The following PTPRG variants were observed in gnomAD, a reference collection of about 807,000 sequenced individuals.
The protein encoded by PTPRG is receptor-type tyrosine-protein phosphatase gamma.
Under a neutral mutation model 165.3 loss-of-function variants are expected in PTPRG, and 102 were observed. The ratio of observed to expected loss-of-function variants is 0.62; its 90% confidence interval spans 0.53 to 0.73. The LOEUF is 0.73. Ranked by LOEUF, PTPRG falls within the 30% of genes least tolerant of loss-of-function variation. The probability of loss-of-function intolerance (pLI) is 0.00; values close to 1 mark genes in which losing one functional copy is unlikely to be tolerated. For missense variants in PTPRG, 1,866 were observed against 1,861.4 expected (o/e 1.00, Z -0.05); for synonymous variants, 675 against 669.5 (o/e 1.01, Z -0.13).
intron 3 of PTPRG, among the ~76,000 whole-genome samples, chr3:61,999,236 G>A (rs2041112294): frequency 6.6e-6 from 1 of 152,058 alleles, no homozygotes; most frequent in Admixed American, 6.5e-5. Context: ...TAGTAGAGAC[G>A]TGATTTCACC....
chr3:62,108,047 T>TC (rs1214019186), intron 5 of PTPRG, among the ~76,000 whole-genome samples: 3 of 121,710 alleles, frequency 2.5e-5, no homozygotes, highest in Non-Finnish European at 5.4e-5. Flanking sequence ...TCTCTCGCTC[T>TC]TTTTTTTTTT....
At chr3:62,067,564 A>G (rs930185819) in intron 4 of PTPRG, among the ~76,000 whole-genome samples, 1 of 152,186 alleles carries the variant, frequency 6.6e-6, no homozygotes, top group Non-Finnish European at 1.5e-5. Context: ...GTATAATTGT[A>G]TAATGTAGAA....
At chr3:61,592,641 C>CTTTTTTTTTTTTTTTTTT (rs773860673) in intron 1 of PTPRG, among the ~76,000 whole-genome samples, 5 of 139,972 alleles carry the variant, frequency 3.6e-5, no homozygotes, top group Non-Finnish European at 7.6e-5. Context: ...TTCTTTCTTT[C>CTTTTTTTTTTTTTTTTTT]TTTCTTTCTT....
At chr3:62,169,827 G>C (rs1705149048) in intron 8 of PTPRG, among the ~76,000 whole-genome samples, 1 of 152,124 alleles carries the variant, frequency 6.6e-6, no homozygotes, top group Non-Finnish European at 1.5e-5. Context: ...TTTCTTTCAA[G>C]AGTGCCCCCA....
intron 2 of PTPRG, among the ~76,000 whole-genome samples, chr3:61,860,178 G>A (rs1233583639): frequency 2.6e-5 from 4 of 152,112 alleles, no homozygotes; most frequent in Non-Finnish European, 4.4e-5. Flanking sequence ...TAATTCCTCA[G>A]GGTTGGATAT....
At chr3:61,699,086 G>T (rs541285658) in intron 1 of PTPRG, among the ~76,000 whole-genome samples, 239 of 150,048 alleles carry the variant, frequency 1.6e-3, no homozygotes, top group African/African-American at 5.1e-3. Flanking sequence ...CGAGTTAATG[G>T]GTGCAGCACA....
In PTPRG at chr3:62,275,932, C is replaced by T. The variant is rs1559747190; in HGVS notation, c.3525C>T (p.Asn1175=). 1 of 1,611,560 alleles carries T rather than the reference C, an allele frequency of 6.2e-7. No individual in the cohort carries two copies. The highest frequency in any genetic ancestry group is 8.5e-7 in the Non-Finnish European group (1 of 1,178,356). ...VECFSAQKEC[N]KEKNRNSSVV... ...GTTTCAGTGCTCAGAAAGAGTGTAA[C>T]AAAGAAAAGAACAGAAACTCTTCAG... is the stretch of plus-strand genomic sequence containing the variant. Residue 1175 remains asparagine (N), a synonymous_variant, in exon 24 of 30, where the codon AAC becomes AAT. Coordinates refer to ENST00000474889, the MANE Select transcript of PTPRG (RefSeq NM_002841.4).
intron 2 of PTPRG, among the ~76,000 whole-genome samples, chr3:61,929,814 A>C (rs1463326744): frequency 6.6e-6 from 1 of 152,214 alleles, no homozygotes; most frequent in Non-Finnish European, 1.5e-5. Context: ...CTTGAGCTGC[A>C]TTAAGGCTTT....
rs926582011 is a variant in PTPRG, at chr3:62,282,709, A to G, written c.3913-18A>G. The G allele has an allele frequency of 1.9e-6, 3 of 1,601,016 alleles. No homozygotes were observed. The highest frequency in any genetic ancestry group is 2.6e-6 in the Non-Finnish European group (3 of 1,175,856). ...TGAAATAAAGGAAGGGATTTGACCC[A>G]TGTTGTATTGGTTACAGGATGACTA... is the stretch of plus-strand genomic sequence containing the variant. On this transcript the variant is annotated intron_variant, in intron 27 of 29. Transcript: ENST00000474889.
rs10593342 is a variant in PTPRG at position 61,732,709 on chromosome 3, AAAATAAATAAATAAATAAAT to A, written c.86-16136_86-16117del. ...GGGTGACAGAGCGAGACTCCGTCTC[AAAATAAATAAATAAATAAAT>A]AAATAAATAAATAAATAAATAAATA... is the stretch of plus-strand genomic sequence containing the variant. On this transcript the variant is annotated intron_variant, in intron 1 of 29. Transcript: ENST00000474889. 6.4e-3 allele frequency among the ~76,000 whole-genome samples: 917 copies of A among 143,128 alleles called. 10 individuals are homozygous for A. Among genetic ancestry groups the A allele is most frequent in the South Asian group, 0.024 (103 of 4,370 alleles). The allele number at this position is 143,128 out of a possible 152,430, so 93.9% of individuals were successfully genotyped here.
chr3:62,118,234 C>G (rs1702934973), intron 5 of PTPRG: 1 of 152,216 alleles, frequency 6.6e-6, no homozygotes, highest in Non-Finnish European at 1.5e-5. Context: ...GCCATGAGCT[C>G]TCTGTTCCAA....
At chr3:62,235,279 T>C (rs1212132050) in intron 14 of PTPRG, among the ~76,000 whole-genome samples, 1 of 152,146 alleles carries the variant, frequency 6.6e-6, no homozygotes, top group Non-Finnish European at 1.5e-5. Context: ...CCCTCAAGCC[T>C]CAGTCCAGAT....
chr3:61,698,961 A>G (rs984294663), intron 1 of PTPRG, among the ~76,000 whole-genome samples: 1 of 152,008 alleles, frequency 6.6e-6, no homozygotes, highest in African/African-American at 2.4e-5. Context: ...TAGGTGGGAA[A>G]TTGAACAATG....
chr3:61,818,926 A>G (rs529714716), intron 2 of PTPRG, among the ~76,000 whole-genome samples: 7 of 152,050 alleles, frequency 4.6e-5, no homozygotes, highest in African/African-American at 1.7e-4. Context: ...CTTTAAAGCT[A>G]TATTTAAAGG....
intron 1 of PTPRG, among the ~76,000 whole-genome samples, chr3:61,613,019 C>T (rs1701215340): frequency 6.6e-6 from 1 of 152,124 alleles, no homozygotes; most frequent in African/African-American, 2.4e-5. Context: ...AAATGCTTTC[C>T]ATAAAGCCAC....
intron 2 of PTPRG, among the ~76,000 whole-genome samples, chr3:61,759,160 T>A (rs1575640280): frequency 1.3e-5 from 2 of 152,314 alleles, no homozygotes; most frequent in East Asian, 1.9e-4. Flanking sequence ...GTTATCTTCT[T>A]GGTTGTCTTT....
intron 6 of PTPRG, among the ~76,000 whole-genome samples, chr3:62,148,556 G>A (rs540313647): frequency 1.3e-5 from 2 of 152,186 alleles, no homozygotes; most frequent in South Asian, 4.1e-4. Flanking sequence ...GGTGACTCAG[G>A]AGTTTGAGAC....
At chr3:61,699,139 G>C (rs879814271) in intron 1 of PTPRG, among the ~76,000 whole-genome samples, 12 of 151,972 alleles carry the variant, frequency 7.9e-5, no homozygotes, top group Non-Finnish European at 1.6e-4. Flanking sequence ...CCTGCATGTT[G>C]TGCACATGTA....
intron 8 of PTPRG, among the ~76,000 whole-genome samples, chr3:62,178,030 G>A (rs1705496196): frequency 1.4e-5 from 2 of 145,642 alleles, no homozygotes; most frequent in African/African-American, 5.1e-5. Flanking sequence ...TACTGGATTG[G>A]ATGGGTTGTT....
Sources: gnomAD v4.1 joint callset for allele counts (sites outside exome capture counted in the v4.1 genomes callset) on GRCh38, gnomAD v4.1.1 for gene constraint, MANE v1.5 for transcripts, NCBI Gene and HGNC (gene_info 2026-07-23, HGNC 2026-07-21) for gene names.